PSG4: variants seen among roughly 807,000 people sequenced by gnomAD.
PSG4 encodes pregnancy specific beta-1-glycoprotein 4, also known as pregnancy-specific beta-1-glycoprotein 4.
In PSG4, 61 loss-of-function variants were observed where a neutral mutation model predicts 44.3. The ratio of observed to expected loss-of-function variants is 1.38; its 90% CI spans 1.12 to 1.70. The LOEUF is 1.70. Ranked by LOEUF, PSG4 falls within the 40% of genes most tolerant of loss-of-function variation. The pLI is 0.00. For missense variants in PSG4, 677 were observed against 511.7 expected (o/e 1.32, Z -3.12); for synonymous variants, 248 against 191.3 (o/e 1.30, Z -2.45).
chr19:43,199,133 G>T (rs1472667607), intron 2 of PSG4, among the ~76,000 whole-genome samples: 7 of 146,328 alleles, frequency 4.8e-5, no homozygotes. Context: ...GATGATGGAA[G>T]TCTGGCCCTC....
chr19:43,204,300 G>A (rs752742342), intron 1 of PSG4, 49 bp from the exon 2 acceptor site: 9 of 1,502,210 alleles, frequency 6.0e-6, no homozygotes, highest in Non-Finnish European at 8.0e-6. Context: ...ATGTATTGGG[G>A]TGAAAAGATG....
rs758467629 is a variant in PSG4 at position 43,193,384 on chromosome 19, C to A, written c.1248G>T (p.Trp416Cys). ...GAACTAGTAGAATTCAGGGTAATAT[C>A]CAGTCTACAGGTGGATAATAAAAAC... ...SKSITVKVSD[W>C]ILP is the part of the protein sequence containing the mutation. Residue 416 changes from tryptophan to cysteine, a missense_variant, in exon 6 of 6, where the codon TGG (tryptophan) becomes TGT (cysteine). By Grantham distance (215) the Trp-to-Cys change is radical. Transcript: ENST00000405312. 2.6e-6 allele frequency: 2 copies of A among 772,210 alleles called. No homozygotes were observed. Among genetic ancestry groups the A allele is most frequent in the East Asian group, 2.4e-5 (1 of 41,242 alleles). 47.8% of individuals were successfully genotyped at this position (772,210 alleles called of 1,614,324 possible). A position where few individuals can be genotyped will look rare whatever the true frequency, so the allele number is the denominator to read the frequency against.
At chr19:43,197,430 A>G (rs1314026217) in intron 3 of PSG4, among the ~76,000 whole-genome samples, 9 of 145,452 alleles carry the variant, frequency 6.2e-5, no homozygotes, top group Admixed American at 4.8e-4. Flanking sequence ...TATATGTTTT[A>G]GTGATTTGGG....
chr19:43,200,085 A>C (rs1272428269), intron 2 of PSG4, among the ~76,000 whole-genome samples: 1 of 145,926 alleles, frequency 6.9e-6, no homozygotes, highest in African/African-American at 2.6e-5. Flanking sequence ...GGAGGACCCC[A>C]AAACAGGTAT....
intron 2 of PSG4, among the ~76,000 whole-genome samples, chr19:43,199,696 A>G (rs1375514705): frequency 6.9e-6 from 1 of 145,256 alleles, no homozygotes; most frequent in Non-Finnish European, 1.5e-5. Flanking sequence ...TTTAGACCTC[A>G]TGTTGTGTTC....
chr19:43,205,031 C>T (rs1967710467), intron 1 of PSG4: 1 of 226,030 alleles, frequency 4.4e-6, no homozygotes, highest in Admixed American at 5.8e-5. Flanking sequence ...CCTATTTTGA[C>T]CCTCTGGTGT....
chr19:43,194,599 C>A lies in PSG4; in HGVS notation c.989-5G>T, dbSNP rs374421473. On this transcript the variant is annotated splice_region_variant and splice_polypyrimidine_tract_variant and intron_variant, in intron 4 of 5. Coordinates refer to ENST00000405312, the MANE Select transcript of PSG4 (RefSeq NM_002780.5). ...TGCTGGGGAGGTCTGGACCATCTGGCGCAAAGAGAATAAAGCCATAGGTGA... is the reference window on the plus strand; with the variant it reads ...TGCTGGGGAGGTCTGGACCATCTGGAGCAAAGAGAATAAAGCCATAGGTGA... 153 of 1,606,778 alleles carry A rather than the reference C, an allele frequency of 9.5e-5. 4 individuals carry two copies. Among genetic ancestry groups the A allele is most frequent in the Admixed American group, 2.5e-4 (15 of 59,584 alleles).
At chr19:43,195,967 A>G (rs1223567320) in intron 3 of PSG4, among the ~76,000 whole-genome samples, 1 of 150,870 alleles carries the variant, frequency 6.6e-6, no homozygotes, top group Non-Finnish European at 1.5e-5. Context: ...GGGACAGGCA[A>G]GAGCTGGTGG....
intron 1 of PSG4, chr19:43,204,694 T>TCCACCCC (rs1555724299): frequency 4.7e-5 from 7 of 150,364 alleles, no homozygotes; most frequent in African/African-American, 4.2e-4. Flanking sequence ...ATGTCTGTCT[T>TCCACCCC]CCCCCCACGA....
At chr19:43,193,432 C>T in intron 5 of PSG4, 44 bp from the exon 6 acceptor site, 1 of 766,410 alleles carries the variant, frequency 1.3e-6, no homozygotes. Context: ...AACAGAGCTG[C>T]AATCTCATAA....
rs183357176 is a variant in PSG4 at position 43,197,159 on chromosome 19, A to G, written c.709+838T>C. On this transcript the variant is annotated intron_variant, in intron 3 of 5. Transcript: ENST00000405312. The stretch of plus-strand genomic sequence containing the variant: ...ATTGTTCATTGTTAGTGTATAGTCT[A>G]AAGAATGACCTAGAAAGAGTGAAGG... 2.3e-4 allele frequency among the ~76,000 whole-genome samples: 33 copies of G among 145,772 alleles called. 6 individuals carry two copies. Among genetic ancestry groups the G allele is most frequent in the African/African-American group, 8.1e-4 (31 of 38,112 alleles).
Position 43,204,393 on chromosome 19 carries a change from G to A in PSG4, c.65-142C>T, listed in dbSNP as rs1449314867. 42 of 1,129,236 alleles carry A rather than the reference G, an allele frequency of 3.7e-5. 2 individuals carry two copies. Among genetic ancestry groups the A allele is most frequent in the Middle Eastern group, 5.6e-4 (2 of 3,576 alleles). The allele number at this position is 1,129,236 out of a possible 1,614,324, so 70.0% of individuals were successfully genotyped here. A position where few individuals can be genotyped will look rare whatever the true frequency, so the allele number is the denominator to read the frequency against. ...AAACACATACACACACTAAAGGGGC[G>A]TGAGTGTATGTGTGTGTGTCCTACT... is the stretch of plus-strand genomic sequence containing the variant. On this transcript the variant is annotated intron_variant, in intron 1 of 5. Transcript: ENST00000405312.
intron 1 of PSG4, 85 bp from the exon 2 acceptor site, chr19:43,204,336 T>G (rs1033328531): frequency 7.1e-7 from 1 of 1,413,834 alleles, no homozygotes; most frequent in Admixed American, 2.2e-5. Context: ...TCTTCAATCC[T>G]CAGCCTTGAA....
chr19:43,197,766 A>G (rs1967314618), intron 3 of PSG4: 1 of 938,586 alleles, frequency 1.1e-6, no homozygotes, highest in South Asian at 1.8e-5. Context: ...TGTTTCTCCC[A>G]TCACAAGCTG....
At chr19:43,194,850 T>C (rs1967165829) in intron 4 of PSG4, 145 bp downstream of exon 4, 6 of 1,504,548 alleles carry the variant, frequency 4.0e-6, no homozygotes, top group Admixed American at 2.3e-5. Context: ...ACCTAGGTTT[T>C]CCCAGGGCAG....
Position 43,198,110 on chromosome 19 carries a change from T to G in PSG4, c.596A>C (p.Asn199Thr). 2 of 1,587,582 alleles carry G rather than the reference T, an allele frequency of 1.3e-6. No homozygotes were observed. The highest frequency in any genetic ancestry group is 1.7e-6 in the Non-Finnish European group (2 of 1,171,860). Residue 199 changes from asparagine (N) to threonine (T), a missense_variant, in exon 3 of 6, where the codon AAC becomes ACC. Physicochemically the swap from Asn to Thr is moderately conservative, Grantham distance 65. Coordinates refer to ENST00000405312, the MANE Select transcript of PSG4 (RefSeq NM_002780.5). ...GACACCAAATATAAAGAGGGTCCTG[T>G]TGGTTTTGGACAGCTGCAACCTGTG... ...MTHRLQLSKT[N>T]RTLFIFGVTK...
At position 43,203,912 on chromosome 19, in the gene PSG4, G is replaced by C; in HGVS notation, c.404C>G (p.Thr135Ser). The change falls in exon 2 of 6, where the codon ACT (threonine) becomes AGT (serine). Residue 135 changes from threonine to serine, a missense_variant. Coordinates refer to ENST00000405312, the MANE Select transcript of PSG4 (RefSeq NM_002780.5). ...IKRRDGTGGV[T>S]GHFTFTLHLE... Reference sequence around the variant, plus strand: ...GTGTAAGGTGAAGGTGAAATGTCCAGTTACTCCTCCAGTCCCATCGCGTCG... The same window carrying C: ...GTGTAAGGTGAAGGTGAAATGTCCACTTACTCCTCCAGTCCCATCGCGTCG... 1.3e-6 allele frequency: 2 copies of C among 1,583,332 alleles called. No homozygotes were observed. Among genetic ancestry groups the C allele is most frequent in the Non-Finnish European group, 1.7e-6 (2 of 1,169,798 alleles).
chr19:43,198,100 G>C lies in PSG4; in HGVS notation c.606C>G (p.Leu202=). The C allele has an allele frequency of 1.3e-6, 2 of 1,587,810 alleles. No individual in the cohort carries two copies. Among genetic ancestry groups the C allele is most frequent in the Non-Finnish European group, 1.7e-6 (2 of 1,171,940 alleles). The change falls in exon 3 of 6, where the codon CTC becomes CTG. Residue 202 remains leucine, a synonymous_variant. Coordinates refer to ENST00000405312, the MANE Select transcript of PSG4 (RefSeq NM_002780.5). ...TATACTTTGTGACACCAAATATAAA[G>C]AGGGTCCTGTTGGTTTTGGACAGCT... The part of the protein sequence containing the change: ...RLQLSKTNRT[L]FIFGVTKYIA...
chr19:43,202,280 C>T lies in PSG4; in HGVS notation c.430+1606G>A, dbSNP rs1338339680. On this transcript the variant is annotated intron_variant, in intron 2 of 5. Transcript: ENST00000405312. ...TGAGGGTTACACTGACTTCAGAGAC[C>T]CCAGGGACCAGGTGCCCCAGTTCCA... Among the ~76,000 whole-genome samples the T allele has an allele frequency of 1.4e-5, 2 of 143,742 alleles. 1 individual carries two copies. The highest frequency in any genetic ancestry group is 3.0e-5 in the Non-Finnish European group (2 of 66,854). 94.3% of individuals were successfully genotyped at this position (143,742 alleles called of 152,430 possible).
Sources: gnomAD v4.1 joint callset for allele counts (sites outside exome capture counted in the v4.1 genomes callset) on GRCh38, gnomAD v4.1.1 for gene constraint, MANE v1.5 for transcripts, NCBI Gene and HGNC (gene_info 2026-07-23, HGNC 2026-07-21) for gene names.